Variants in DGKB observed in about 807,000 individuals in gnomAD.
DGKB encodes 90 kDa diacylglycerol kinase.
A neutral mutation model predicts 114.3 loss-of-function variants in DGKB; 67 were observed. That is an observed-to-expected ratio of 0.59 (90% confidence interval 0.48 to 0.72). The LOEUF is 0.72. Ranked by LOEUF, DGKB falls within the 30% of genes least tolerant of loss-of-function variation. The probability of loss-of-function intolerance (pLI) is 0.00; values close to 1 mark genes in which losing one functional copy is unlikely to be tolerated. For missense variants in DGKB, 907 were observed against 975.2 expected (o/e 0.93, Z 0.93); for synonymous variants, 398 against 323.1 (o/e 1.23, Z -2.49).
chr7:14,718,150 G>T (rs926631986), intron 6 of DGKB, among the ~76,000 whole-genome samples: 1 of 152,136 alleles, frequency 6.6e-6, no homozygotes, highest in Non-Finnish European at 1.5e-5. Flanking sequence ...GGGAAAAGGT[G>T]CAGGTTGCAT....
intron 6 of DGKB, among the ~76,000 whole-genome samples, chr7:14,703,173 C>T (rs7790853): frequency 0.046 from 6,929 of 152,194 alleles, 530 homozygotes; most frequent in African/African-American, 0.16. Flanking sequence ...CAAGAATTGA[C>T]GGACTACTCA....
intron 21 of DGKB, among the ~76,000 whole-genome samples, chr7:14,365,421 G>A (rs1314953956): frequency 6.6e-6 from 1 of 151,962 alleles, no homozygotes; most frequent in East Asian, 1.9e-4. Flanking sequence ...AAAAGAATCA[G>A]AACAGAGTTA....
chr7:14,478,265 T>TAAAC, intron 20 of DGKB, 40 bp from the exon 21 acceptor site: 1 of 1,218,082 alleles, frequency 8.2e-7, no homozygotes, highest in Non-Finnish European at 1.2e-6. Context: ...GGATGGTTTA[T>TAAAC]GATCCTATTA....
rs1781384506 is a variant in DGKB, at chr7:14,892,377, A to G, written c.-188+10215T>C. ...CAATCCTAACGATGACAAGAGGTAT[A>G]AATAAAGGAAAATTGCCATACAGAC... On this transcript the variant is annotated intron_variant, in intron 1 of 25. Transcript: ENST00000402815. Among the ~76,000 whole-genome samples, 3 of 151,340 alleles carry G rather than the reference A, an allele frequency of 2.0e-5. No homozygotes were observed. In the South Asian group the frequency reaches 6.2e-4, roughly 31 times the overall value.
At chr7:14,224,382 CTG>C (rs1464139986) in intron 23 of DGKB, among the ~76,000 whole-genome samples, 1 of 151,784 alleles carries the variant, frequency 6.6e-6, no homozygotes, top group Non-Finnish European at 1.5e-5. Flanking sequence ...CATTTATTTG[CTG>C]TGTTATTGTT....
chr7:14,957,977 C>CTAGGTT (rs1440938996), intron 1 of DGKB, among the ~76,000 whole-genome samples: 1 of 151,912 alleles, frequency 6.6e-6, no homozygotes, highest in Non-Finnish European at 1.5e-5. Context: ...ACCTTGTTAA[C>CTAGGTT]AAATAACTAC....
chr7:14,709,790 G>A (rs954351801), intron 6 of DGKB, among the ~76,000 whole-genome samples: 2 of 137,904 alleles, frequency 1.5e-5, no homozygotes, highest in Non-Finnish European at 3.1e-5. Flanking sequence ...CACAGGAAGG[G>A]GAATATCACA....
chr7:14,400,954 C>G (rs1345356425), intron 21 of DGKB, among the ~76,000 whole-genome samples: 1 of 151,702 alleles, frequency 6.6e-6, no homozygotes, highest in East Asian at 1.9e-4. Context: ...TTGACTGCCT[C>G]CCCACTCAAT....
intron 2 of DGKB, among the ~76,000 whole-genome samples, chr7:14,769,131 G>A (rs867071185): frequency 1.8e-4 from 23 of 125,828 alleles, no homozygotes; most frequent in South Asian, 5.2e-4. Context: ...GAAAGAGAGA[G>A]AGAGAAAGAA....
intron 21 of DGKB, among the ~76,000 whole-genome samples, chr7:14,473,776 T>C (rs1378589552): frequency 6.6e-6 from 1 of 152,162 alleles, no homozygotes; most frequent in African/African-American, 2.4e-5. Context: ...CAAAAGGAGA[T>C]CATTTTGGGG....
At chr7:14,773,712 C>A (rs578120320) in intron 2 of DGKB, among the ~76,000 whole-genome samples, 4 of 152,140 alleles carry the variant, frequency 2.6e-5, no homozygotes, top group Admixed American at 6.6e-5. Flanking sequence ...AGAAAAAGTT[C>A]CAGAAAGAAG....
intron 1 of DGKB, among the ~76,000 whole-genome samples, chr7:14,956,278 C>T (rs1409122262): frequency 1.3e-5 from 2 of 151,812 alleles, no homozygotes; most frequent in African/African-American, 4.8e-5. Context: ...AGAATCCTCC[C>T]CAAACCAGAA....
intron 20 of DGKB, among the ~76,000 whole-genome samples, chr7:14,494,696 T>G (rs1007148921): frequency 4.6e-5 from 7 of 151,860 alleles, no homozygotes; most frequent in African/African-American, 1.7e-4. Flanking sequence ...GCAAAGTGAA[T>G]AGAAGGTTGA....
chr7:14,810,645 T>C (rs1367238802), intron 2 of DGKB, among the ~76,000 whole-genome samples: 1 of 152,170 alleles, frequency 6.6e-6, no homozygotes, highest in Admixed American at 6.5e-5. Context: ...TGCAGCCTGC[T>C]GAAGTGCAGT....
At chr7:14,902,270 G>T (rs1228714088) in intron 1 of DGKB, among the ~76,000 whole-genome samples, 3 of 152,144 alleles carry the variant, frequency 2.0e-5, no homozygotes, top group Non-Finnish European at 4.4e-5. Context: ...AAGACAAGCT[G>T]CTATCTCATT....
At chr7:14,563,016 C>A (rs1796898000) in intron 20 of DGKB, among the ~76,000 whole-genome samples, 1 of 152,130 alleles carries the variant, frequency 6.6e-6, no homozygotes, top group Non-Finnish European at 1.5e-5. Context: ...TGAGAGGTAA[C>A]TGAATCACAG....
At chr7:14,251,469 G>A (rs1202654637) in intron 23 of DGKB, among the ~76,000 whole-genome samples, 1 of 151,984 alleles carries the variant, frequency 6.6e-6, no homozygotes, top group Non-Finnish European at 1.5e-5. Context: ...ACAAATTACT[G>A]TAGCTATGGG....
At chr7:14,695,494 CTTTTTT>C (rs1173622205) in intron 8 of DGKB, among the ~76,000 whole-genome samples, 23 of 75,166 alleles carry the variant, frequency 3.1e-4, no homozygotes, top group Admixed American at 2.4e-3. Context: ...CTCTCTCTCT[CTTTTTT>C]TTTTTTTTTT....
intron 21 of DGKB, among the ~76,000 whole-genome samples, chr7:14,459,827 A>G (rs986850442): frequency 1.3e-5 from 2 of 152,160 alleles, no homozygotes; most frequent in Non-Finnish European, 2.9e-5. Context: ...GAAGGAAAAA[A>G]TGTTAAGGGC....
Sources: allele counts gnomAD v4.1 joint callset (sites outside exome capture counted in the v4.1 genomes callset), GRCh38; gene constraint gnomAD v4.1.1; transcripts MANE v1.5; gene names NCBI Gene and HGNC (gene_info 2026-07-23, HGNC 2026-07-21).